The following FOLH1 variants were observed in gnomAD, a reference collection of about 807,000 sequenced individuals.
FOLH1 encodes glutamate carboxypeptidase 2.
FOLH1 carries 54 observed loss-of-function variants against 93.9 expected under a neutral mutation model. That is an observed-to-expected ratio of 0.57 (90% CI 0.46 to 0.72). FOLH1 has a LOEUF of 0.72. Ranked by LOEUF, FOLH1 falls within the 30% of genes least tolerant of loss-of-function variation. FOLH1 has a pLI of 0.00. For synonymous variants in FOLH1, 249 were observed against 303.6 expected (o/e 0.82, Z 1.87); for missense variants, 571 against 892.5 (o/e 0.64, Z 4.59).
In FOLH1 at chr11:49,169,190, T is replaced by C. The variant is rs1462986751; in HGVS notation, c.1372+5A>G. 1 of 1,612,790 alleles carries C rather than the reference T, an allele frequency of 6.2e-7. No individual in the cohort carries two copies. Among genetic ancestry groups the C allele is most frequent in the African/African-American group, 1.3e-5 (1 of 74,860 alleles). ...ATCTTTTCTTATGAGACCAACGATA[T>C]TCACCTTCTATAGATGAGTCAGCAT... On this transcript the variant is annotated splice_donor_5th_base_variant and intron_variant, in intron 12 of 18. Transcript: ENST00000256999.
intron 12 of FOLH1, among the ~76,000 whole-genome samples, chr11:49,165,028 T>C (rs1465138744): frequency 6.6e-6 from 1 of 152,202 alleles, no homozygotes; most frequent in Non-Finnish European, 1.5e-5. Context: ...TCAGCATCTT[T>C]GCACACACTG....
At position 49,173,339 on chromosome 11, in the gene FOLH1, G is replaced by C. The variant is rs1433648675; in HGVS notation, c.1225+18C>G. The C allele has an allele frequency of 1.3e-6, 2 of 1,583,486 alleles. No homozygotes were observed. Among genetic ancestry groups the C allele is most frequent in the South Asian group, 1.2e-5 (1 of 85,826 alleles). On this transcript the variant is annotated intron_variant, in intron 10 of 18. Coordinates refer to ENST00000256999, the MANE Select transcript of FOLH1 (RefSeq NM_004476.3). ...ACTCAGATAGGCTGTTTTTTTTCTT[G>C]CTGTTTGTTTGTATTACCTTCCTTT...
chr11:49,152,603 C>A (rs1856609546), intron 17 of FOLH1, among the ~76,000 whole-genome samples: 1 of 152,056 alleles, frequency 6.6e-6, no homozygotes, highest in Middle Eastern at 3.2e-3. Context: ...AATTATTTGT[C>A]TTGTTTCTTA....
intron 11 of FOLH1, among the ~76,000 whole-genome samples, chr11:49,170,862 T>C (rs1859175389): frequency 6.6e-6 from 1 of 152,228 alleles, no homozygotes; most frequent in African/African-American, 2.4e-5. Flanking sequence ...TTTTGAAGAA[T>C]AAACTACAAT....
chr11:49,201,534 T>C (rs1302988406), intron 2 of FOLH1, among the ~76,000 whole-genome samples: 1 of 151,736 alleles, frequency 6.6e-6, no homozygotes, highest in Non-Finnish European at 1.5e-5. Flanking sequence ...ATTAAAGTTA[T>C]TTAAATTGTA....
chr11:49,172,936 T>C lies in FOLH1; in HGVS notation c.1225+421A>G, dbSNP rs542489284. On this transcript the variant is annotated intron_variant, in intron 10 of 18. Coordinates refer to ENST00000256999, the MANE Select transcript of FOLH1 (RefSeq NM_004476.3). ...GACCTAAGACCTGTATTTCTCTGAA[T>C]AGAGCATCTATCTCCTTAATTACTT... 1.1e-4 allele frequency among the ~76,000 whole-genome samples: 16 copies of C among 152,308 alleles called. No homozygotes were observed. In the South Asian group the frequency reaches 3.3e-3, roughly 32 times the overall value.
intron 12 of FOLH1, among the ~76,000 whole-genome samples, chr11:49,165,099 G>A (rs1425851465): frequency 6.6e-6 from 1 of 152,028 alleles, no homozygotes; most frequent in African/African-American, 2.4e-5. Context: ...TCCTCCTCTG[G>A]TCTAATGTCA....
At chr11:49,206,980 C>T in intron 1 of FOLH1, 1 of 569,942 alleles carries the variant, frequency 1.8e-6, no homozygotes, top group Non-Finnish European at 3.1e-6. Flanking sequence ...TGGAGCTTTC[C>T]AATTATTAAT....
At chr11:49,172,806 T>G (rs1328767606) in intron 10 of FOLH1, among the ~76,000 whole-genome samples, 1 of 152,204 alleles carries the variant, frequency 6.6e-6, no homozygotes, top group Non-Finnish European at 1.5e-5. Flanking sequence ...GATTCTAAAA[T>G]GACTAAAGTG....
chr11:49,174,926 A>G lies in FOLH1; in HGVS notation c.1071T>C (p.Asn357=). 6.2e-7 allele frequency: 1 copy of G among 1,611,148 alleles called. No homozygotes were observed. Among genetic ancestry groups the G allele is most frequent in the African/African-American group, 1.3e-5 (1 of 74,658 alleles). ...CTGCTCCTCTGAGAGTACCTATCACATTGTAAATTCTTGTCACTTCATTGG... is the reference window on the plus strand; with the variant it reads ...CTGCTCCTCTGAGAGTACCTATCACGTTGTAAATTCTTGTCACTTCATTGG... The part of the protein sequence containing the change: ...HSTNEVTRIY[N]VIGTLRGAVE... The change falls in exon 9 of 19, where the codon AAT becomes AAC. Residue 357 remains asparagine (N), a synonymous_variant. Transcript: ENST00000256999.
chr11:49,191,870 T>C (rs1243335952), intron 4 of FOLH1, among the ~76,000 whole-genome samples: 2 of 152,142 alleles, frequency 1.3e-5, no homozygotes, highest in Admixed American at 1.3e-4. Flanking sequence ...GCTAATTATT[T>C]TGTATTTTTA....
At chr11:49,196,605 G>T (rs898226305) in intron 3 of FOLH1, among the ~76,000 whole-genome samples, 6 of 138,446 alleles carry the variant, frequency 4.3e-5, no homozygotes, top group Non-Finnish European at 7.7e-5. Flanking sequence ...AAAAATATAA[G>T]ATTATTCTAA....
At chr11:49,147,768 C>G (rs769664393) in intron 18 of FOLH1, among the ~76,000 whole-genome samples, 4 of 152,032 alleles carry the variant, frequency 2.6e-5, no homozygotes, top group Non-Finnish European at 5.9e-5. Flanking sequence ...TACAAATGAA[C>G]GTACAAATAT....
chr11:49,152,876 T>C (rs1402918311), intron 17 of FOLH1, among the ~76,000 whole-genome samples: 1 of 152,162 alleles, frequency 6.6e-6, no homozygotes, highest in African/African-American at 2.4e-5. Flanking sequence ...TTGTTTATGT[T>C]AGCATACAAT....
At chr11:49,154,081 A>T in intron 16 of FOLH1, 147 bp downstream of exon 16, 2 of 1,367,180 alleles carry the variant, frequency 1.5e-6, no homozygotes, top group Non-Finnish European at 2.0e-6. Context: ...AGCATCCATA[A>T]AATGGAAAAT....
chr11:49,148,698 G>A lies in FOLH1; in HGVS notation c.2004C>T (p.Leu668=), dbSNP rs372600008. Residue 668 remains leucine, a synonymous_variant, in exon 18 of 19, where the codon CTC becomes CTT. Transcript: ENST00000256999. ...PIVLRMMNDQ[L]MFLERAFIDP... ...CAATAAATGCTCTTTCCAGAAACATGAGTTGATCATTCATCATTCTTAATA... is the reference window on the plus strand; with the variant it reads ...CAATAAATGCTCTTTCCAGAAACATAAGTTGATCATTCATCATTCTTAATA... The A allele has an allele frequency of 1.0e-5, 16 of 1,605,582 alleles. No homozygotes were observed. The highest frequency in any genetic ancestry group is 1.4e-5 in the Non-Finnish European group (16 of 1,176,778).
At chr11:49,182,059 TGCCTCA>T (rs1356151331) in intron 7 of FOLH1, among the ~76,000 whole-genome samples, 1 of 152,098 alleles carries the variant, frequency 6.6e-6, no homozygotes, top group Non-Finnish European at 1.5e-5. Flanking sequence ...CTGGGCGCAG[TGCCTCA>T]TGCCTGTAAT....
chr11:49,166,814 T>C (rs755487034), intron 12 of FOLH1, among the ~76,000 whole-genome samples: 2 of 152,156 alleles, frequency 1.3e-5, no homozygotes, highest in Non-Finnish European at 2.9e-5. Context: ...AGAGACACAA[T>C]GGAGCAATTT....
At chr11:49,181,274 A>C (rs1860700592) in intron 7 of FOLH1, among the ~76,000 whole-genome samples, 1 of 151,750 alleles carries the variant, frequency 6.6e-6, no homozygotes, top group East Asian at 1.9e-4. Context: ...TGCCCAGCTA[A>C]TTTTTGTATT....
Sources: gnomAD v4.1 joint callset for allele counts (sites outside exome capture counted in the v4.1 genomes callset) on GRCh38, gnomAD v4.1.1 for gene constraint, MANE v1.5 for transcripts, NCBI Gene and HGNC (gene_info 2026-07-23, HGNC 2026-07-21) for gene names.